Variants in CFAP20DC observed in about 807,000 individuals in gnomAD.
CFAP20DC encodes the protein protein CFAP20DC.
CFAP20DC carries 84 observed loss-of-function variants against 101.7 expected under a neutral mutation model. That is an observed-to-expected ratio of 0.83 (90% confidence interval 0.69 to 0.99). CFAP20DC has a LOEUF of 0.99. Ranked by LOEUF, CFAP20DC falls within the 50% of genes least tolerant of loss-of-function variation. The pLI is 0.00. For synonymous variants in CFAP20DC, 359 were observed against 351.2 expected (o/e 1.02, Z -0.25); for missense variants, 1,007 against 970.3 (o/e 1.04, Z -0.50).
intron 3 of CFAP20DC, among the ~76,000 whole-genome samples, chr3:59,040,466 T>A (rs1175747093): frequency 9.2e-5 from 14 of 152,152 alleles, no homozygotes; most frequent in African/African-American, 3.4e-4. Flanking sequence ...TGACACTTCC[T>A]AAAACATGCA....
At chr3:58,972,280 G>T (rs867832890) in intron 4 of CFAP20DC, among the ~76,000 whole-genome samples, 6 of 152,060 alleles carry the variant, frequency 3.9e-5, no homozygotes, top group Non-Finnish European at 8.8e-5. Context: ...ACTTATAGTG[G>T]TTTATTGAGT....
At chr3:58,848,976 AC>A (rs2108299737) in intron 13 of CFAP20DC, 55 bp downstream of exon 13, 1 of 1,496,400 alleles carries the variant, frequency 6.7e-7, no homozygotes, top group East Asian at 2.5e-5. Flanking sequence ...GTGGAACAGA[AC>A]GGAACACAGC....
chr3:58,843,768 G>C (rs1367921823), intron 13 of CFAP20DC, among the ~76,000 whole-genome samples: 1 of 150,756 alleles, frequency 6.6e-6, no homozygotes, highest in Non-Finnish European at 1.5e-5. Context: ...AGAGAGAAAG[G>C]TCAGGTTACC....
intron 5 of CFAP20DC, among the ~76,000 whole-genome samples, chr3:58,932,381 T>C (rs1334434424): frequency 1.3e-5 from 2 of 152,092 alleles, no homozygotes; most frequent in African/African-American, 2.4e-5. Context: ...TTCCCCAATC[T>C]AGCAAGGCAG....
chr3:58,731,944 C>T (rs554182698), intron 3 of CFAP20DC, among the ~76,000 whole-genome samples: 24 of 152,328 alleles, frequency 1.6e-4, no homozygotes, highest in African/African-American at 4.8e-4. Context: ...CCTGCATCAC[C>T]ACTCAGGACA....
At chr3:58,893,297 G>A (rs916919976) in intron 6 of CFAP20DC, among the ~76,000 whole-genome samples, 2 of 152,154 alleles carry the variant, frequency 1.3e-5, no homozygotes, top group Admixed American at 1.3e-4. Context: ...GCCTGTCTTG[G>A]CCTCCCAAAG....
intron 4 of CFAP20DC, chr3:58,970,636 A>G (rs1454280558): frequency 6.6e-6 from 1 of 152,150 alleles, no homozygotes; most frequent in Non-Finnish European, 1.5e-5. Flanking sequence ...AGAAACCAAT[A>G]CAGTAATTTC....
At chr3:58,936,583 A>G (rs2087667188) in intron 5 of CFAP20DC, among the ~76,000 whole-genome samples, 1 of 152,242 alleles carries the variant, frequency 6.6e-6, no homozygotes, top group Non-Finnish European at 1.5e-5. Flanking sequence ...ACCATGGAAT[A>G]CTATGCAGCC....
downstream of CFAP20DC, chr3:58,737,364 GCAAA>G (rs1203155768): frequency 2.6e-4 from 103 of 395,914 alleles, no homozygotes; most frequent in African/African-American, 1.2e-3. This position sits in a 1 kb window ranked among gnomAD's most constrained non-coding sequence, Gnocchi z 4.1. Context: ...AAGCAAGCAA[GCAAA>G]CAAACAAACA....
At position 58,945,336 on chromosome 3, in the gene CFAP20DC, T is replaced by A. The variant is rs565398386; in HGVS notation, c.279-7574A>T. Among the ~76,000 whole-genome samples the A allele has an allele frequency of 3.3e-5, 5 of 152,304 alleles. No individual in the cohort carries two copies. In the East Asian group the frequency reaches 7.7e-4, roughly 24 times the overall value. On this transcript the variant is annotated intron_variant, in intron 4 of 16. Transcript: ENST00000482387. ...CCTCCTGGGAACAAGATATTTAATA[T>A]CTAATGGCTAAGATGCCTACCCTAC...
At chr3:58,975,223 A>T (rs2092207235) in intron 4 of CFAP20DC, among the ~76,000 whole-genome samples, 1 of 151,584 alleles carries the variant, frequency 6.6e-6, no homozygotes, top group Admixed American at 6.6e-5. Flanking sequence ...AAATATTCTT[A>T]TCACCTTATC....
intron 14 of CFAP20DC, among the ~76,000 whole-genome samples, chr3:58,817,386 C>T (rs1483250586): frequency 6.6e-6 from 1 of 151,342 alleles, no homozygotes; most frequent in Non-Finnish European, 1.5e-5. Context: ...AAGTTGAAAA[C>T]TTCGAAAAAA....
chr3:58,873,850 T>G (rs1333121566), intron 7 of CFAP20DC, among the ~76,000 whole-genome samples: 1 of 151,964 alleles, frequency 6.6e-6, no homozygotes, highest in African/African-American at 2.4e-5. Context: ...GAAGCAGAAG[T>G]CTGGATAGCT....
At chr3:58,773,591 T>C (rs966015009) in intron 15 of CFAP20DC, among the ~76,000 whole-genome samples, 2 of 151,986 alleles carry the variant, frequency 1.3e-5, no homozygotes, top group Non-Finnish European at 2.9e-5. Flanking sequence ...TAAACGCCAA[T>C]GATGAAAGCT....
intron 14 of CFAP20DC, among the ~76,000 whole-genome samples, chr3:58,827,287 T>C (rs1181839025): frequency 6.6e-6 from 1 of 151,846 alleles, no homozygotes; most frequent in African/African-American, 2.4e-5. Flanking sequence ...AAAGAGCCAT[T>C]TTCTAAATAG....
intron 12 of CFAP20DC, among the ~76,000 whole-genome samples, chr3:58,851,757 T>C (rs1036002183): frequency 6.6e-6 from 1 of 151,862 alleles, no homozygotes; most frequent in Non-Finnish European, 1.5e-5. Context: ...AAAAAAAACA[T>C]GCCTCTTAAA....
intron 4 of CFAP20DC, among the ~76,000 whole-genome samples, chr3:58,968,659 G>T (rs2091753357): frequency 6.6e-6 from 1 of 152,136 alleles, no homozygotes; most frequent in African/African-American, 2.4e-5. Context: ...TCTGTAGGTT[G>T]TCTGCTCACC....
At chr3:58,984,474 G>A (rs2092686653) in intron 4 of CFAP20DC, among the ~76,000 whole-genome samples, 2 of 152,194 alleles carry the variant, frequency 1.3e-5, no homozygotes, top group South Asian at 4.1e-4. Flanking sequence ...TCACACTGCA[G>A]AGAGATGTAG....
chr3:58,858,685 T>TA (rs377586533), intron 12 of CFAP20DC, among the ~76,000 whole-genome samples: 2 of 152,072 alleles, frequency 1.3e-5, no homozygotes, highest in East Asian at 1.9e-4. Flanking sequence ...AAAAATTCTG[T>TA]AAAAAAACAC....
Sources: gnomAD v4.1 joint callset for allele counts (sites outside exome capture counted in the v4.1 genomes callset) on GRCh38, gnomAD v4.1.1 for gene constraint, Gnocchi (gnomAD v3.1) non-coding constraint, MANE v1.5 for transcripts, NCBI Gene and HGNC (gene_info 2026-07-23, HGNC 2026-07-21) for gene names.